Variants in SEPTIN9 observed in about 807,000 individuals in gnomAD.
The protein encoded by SEPTIN9 is septin 9.
A neutral mutation model predicts 56.6 loss-of-function variants in SEPTIN9; 13 were observed. The observed-to-expected ratio is 0.23, with a 90% CI of 0.15 to 0.37. The LOEUF is 0.37. SEPTIN9 is among the 10% of genes least tolerant of loss of function. The pLI is 1.00. For missense variants in SEPTIN9, 650 were observed against 823.1 expected (o/e 0.79, Z 2.57); for synonymous variants, 332 against 334.1 (o/e 0.99, Z 0.07).
chr17:77,408,857 G>T (rs1568045713), intron 3 of SEPTIN9, among the ~76,000 whole-genome samples: 1 of 152,156 alleles, frequency 6.6e-6, no homozygotes, highest in African/African-American at 2.4e-5. Flanking sequence ...TAGGCTCTGA[G>T]CCTATCCCTG....
At chr17:77,288,883 AGAGGCCGGCACC>A (rs952998422) in intron 1 of SEPTIN9, among the ~76,000 whole-genome samples, 2 of 152,160 alleles carry the variant, frequency 1.3e-5, no homozygotes, top group African/African-American at 4.8e-5. Flanking sequence ...AAGTGCACAC[AGAGGCCGGCACC>A]GAGGGGCGGG....
chr17:77,475,579 C>T lies in SEPTIN9; in HGVS notation c.722-6565C>T. The T allele has an allele frequency of 1.2e-6, 2 of 1,613,476 alleles. No individual in the cohort carries two copies. The highest frequency in any genetic ancestry group is 8.5e-7 in the Non-Finnish European group (1 of 1,179,828). On this transcript the variant is annotated intron_variant, in intron 3 of 11. Transcript: ENST00000427177. The surrounding 1 kb of genome is among the most constrained non-coding windows in gnomAD (Gnocchi z 4.6). ...CGTAGGGCTGCCGCAGGGGTGCTGG[C>T]CCCAGGGTCTGGATTCAGGGGAGCC...
At chr17:77,407,743 C>T (rs1348322511) in intron 3 of SEPTIN9, among the ~76,000 whole-genome samples, 3 of 152,232 alleles carry the variant, frequency 2.0e-5, no homozygotes, top group Non-Finnish European at 4.4e-5. Context: ...GGCTCTGGCC[C>T]TGCCCCTGGA....
At chr17:77,416,162 G>T (rs73375313) in intron 3 of SEPTIN9, among the ~76,000 whole-genome samples, 163 of 133,110 alleles carry the variant, frequency 1.2e-3, no homozygotes, top group African/African-American at 4.4e-3. Flanking sequence ...TTGATTCCTG[G>T]ATTTTTTGGC....
chr17:77,370,695 T>A (rs1338760576), intron 2 of SEPTIN9, among the ~76,000 whole-genome samples: 2 of 152,212 alleles, frequency 1.3e-5, no homozygotes, highest in Non-Finnish European at 2.9e-5. Context: ...TCAGCTCAGT[T>A]TCCTCTCTGC....
intron 3 of SEPTIN9, among the ~76,000 whole-genome samples, chr17:77,411,379 A>G (rs1598331793): frequency 6.7e-6 from 1 of 150,110 alleles, no homozygotes; most frequent in East Asian, 2.0e-4. Flanking sequence ...TAGATGTAGC[A>G]CGTTCCTTTT....
intron 3 of SEPTIN9, among the ~76,000 whole-genome samples, chr17:77,481,283 C>A (rs1032962326): frequency 6.6e-6 from 1 of 152,226 alleles, no homozygotes; most frequent in South Asian, 2.1e-4. Context: ...GCTCCACGTG[C>A]CCCACATACC....
intron 1 of SEPTIN9, among the ~76,000 whole-genome samples, chr17:77,286,877 G>C (rs2031303765): frequency 1.3e-5 from 2 of 152,220 alleles, no homozygotes. Context: ...CAGGCCCCTA[G>C]GGGTGTGAAC....
At chr17:77,442,569 A>AG (rs949443627) in intron 3 of SEPTIN9, among the ~76,000 whole-genome samples, 4 of 149,920 alleles carry the variant, frequency 2.7e-5, no homozygotes, top group African/African-American at 9.8e-5. Flanking sequence ...GAAAAAAGGA[A>AG]GGGGTGAAAG....
Position 77,497,350 on chromosome 17 carries a change from C to T in SEPTIN9, c.1609C>T (p.Arg537Trp), listed in dbSNP as rs772897487. The T allele has an allele frequency of 1.9e-6, 3 of 1,613,774 alleles. No individual in the cohort carries two copies. Among genetic ancestry groups the T allele is most frequent in the South Asian group, 1.1e-5 (1 of 90,992 alleles). The change falls in exon 11 of 12, where the codon CGG (arginine) becomes TGG (tryptophan). Residue 537 changes from arginine to tryptophan, a missense_variant. By Grantham distance (101) the Arg-to-Trp change is moderately radical (BLOSUM62 -3). This residue lies in a region of SEPTIN9 where 333 missense variants were observed against 494.0 expected (regional missense o/e 0.67). Transcript: ENST00000427177. ...NTTHCEFAYLRDLLIRTHMQN... is the reference protein window; with the variant it reads ...NTTHCEFAYLWDLLIRTHMQN... ...CACACACTGTGAGTTTGCCTACCTG[C>T]GGGACCTTCTCATCAGGTGAGAGAC...
At chr17:77,324,315 C>T (rs983443018) in intron 2 of SEPTIN9, among the ~76,000 whole-genome samples, 6 of 152,202 alleles carry the variant, frequency 3.9e-5, no homozygotes, top group African/African-American at 1.4e-4. Flanking sequence ...TTTTAGGGGC[C>T]ACCTTTCATC....
chr17:77,405,269 C>T lies in SEPTIN9; in HGVS notation c.721+2566C>T. 1 of 752,314 alleles carries T rather than the reference C, an allele frequency of 1.3e-6. No homozygotes were observed. The highest frequency in any genetic ancestry group is 1.8e-5 in the South Asian group (1 of 56,526). The allele number at this position is 752,314 out of a possible 1,614,324, so 46.6% of individuals were successfully genotyped here. On this transcript the variant is annotated intron_variant, in intron 3 of 11. Coordinates refer to ENST00000427177, the MANE Select transcript of SEPTIN9 (RefSeq NM_001113491.2). The surrounding 1 kb of genome is among the most constrained non-coding windows in gnomAD (Gnocchi z 5.8). ...GGACACAACCTGCGGGCTCTGCTTT[C>T]TGGAGCTCACCGAGCCGTGAGCAGG...
At chr17:77,417,484 G>A (rs1357421981) in intron 3 of SEPTIN9, among the ~76,000 whole-genome samples, 1 of 152,202 alleles carries the variant, frequency 6.6e-6, no homozygotes, top group Non-Finnish European at 1.5e-5. Context: ...CTGGAACAGA[G>A]GCAGCAGAGG....
intron 3 of SEPTIN9, among the ~76,000 whole-genome samples, chr17:77,420,808 A>G (rs1029588626): frequency 6.6e-6 from 1 of 152,190 alleles, no homozygotes; most frequent in East Asian, 1.9e-4. Context: ...CCCTTGTCTC[A>G]GGTGGGAGGA....
chr17:77,451,304 C>T lies in SEPTIN9; in HGVS notation c.722-30840C>T. 1.1e-6 allele frequency: 1 copy of T among 941,466 alleles called. No individual in the cohort carries two copies. Among genetic ancestry groups the T allele is most frequent in the Non-Finnish European group, 1.3e-6 (1 of 789,500 alleles). The allele number at this position is 941,466 out of a possible 1,614,324, so 58.3% of individuals were successfully genotyped here. On this transcript the variant is annotated intron_variant, in intron 3 of 11. Transcript: ENST00000427177. The surrounding 1 kb of genome is among the most constrained non-coding windows in gnomAD (Gnocchi z 4.2). ...TGGGCGCCCCTATCTCTGCCTGCCC[C>T]CTCCTCCTGCTCCCCTCGCCCTGCC...
At chr17:77,322,154 G>A (rs1322249384) in intron 2 of SEPTIN9, among the ~76,000 whole-genome samples, 1 of 152,244 alleles carries the variant, frequency 6.6e-6, no homozygotes, top group Non-Finnish European at 1.5e-5. Context: ...TGACCAGCAG[G>A]GGATCTGAGA....
chr17:77,494,054 G>A (rs2040151994), intron 10 of SEPTIN9, among the ~76,000 whole-genome samples: 1 of 151,970 alleles, frequency 6.6e-6, no homozygotes, highest in South Asian at 2.1e-4. Context: ...TGGGATTACA[G>A]GAATGAGCCA....
intron 1 of SEPTIN9, among the ~76,000 whole-genome samples, chr17:77,289,092 T>C (rs933707342): frequency 1.3e-5 from 2 of 152,106 alleles, no homozygotes; most frequent in African/African-American, 4.8e-5. Flanking sequence ...TTGTTTTGTT[T>C]GGTTTGGTTT....
At position 77,304,817 on chromosome 17, in the gene SEPTIN9, C is replaced by G. The variant is rs144760100; in HGVS notation, c.20-2324C>G. On this transcript the variant is annotated intron_variant, in intron 1 of 11. Transcript: ENST00000427177. ...GGATGTGTGGAACAGGGGATAGTGACCCCGTGTGCGTTATATGCAGTGCGG... is the reference window on the plus strand; with the variant it reads ...GGATGTGTGGAACAGGGGATAGTGAGCCCGTGTGCGTTATATGCAGTGCGG... Among the ~76,000 whole-genome samples the G allele has an allele frequency of 2.6e-5, 4 of 152,236 alleles. No homozygotes were observed. The East Asian group carries it at 7.7e-4, about 29-fold the overall frequency.
Sources: gnomAD v4.1 joint callset for allele counts (sites outside exome capture counted in the v4.1 genomes callset) on GRCh38, gnomAD v4.1.1 for gene constraint, gnomAD v4.1.1 regional missense constraint, Gnocchi (gnomAD v3.1) non-coding constraint, MANE v1.5 for transcripts, NCBI Gene and HGNC (gene_info 2026-07-23, HGNC 2026-07-21) for gene names.